Variants in KCNQ5 observed in about 807,000 individuals in gnomAD.
The protein encoded by KCNQ5 is potassium voltage-gated channel subfamily Q member 5.
A neutral mutation model predicts 98.2 loss-of-function variants in KCNQ5; 30 were observed. The ratio of observed to expected loss-of-function variants is 0.31; its 90% CI spans 0.23 to 0.41. The LOEUF (loss-of-function observed/expected upper bound fraction) is 0.41, where lower values mean the gene tolerates loss of function less well. KCNQ5 is among the 10% of genes least tolerant of loss of function. The pLI is 1.00. For missense variants in KCNQ5, 835 were observed against 1,182.5 expected (o/e 0.71, Z 4.31); for synonymous variants, 458 against 449.4 (o/e 1.02, Z -0.24).
At chr6:72,666,921 C>T (rs1160370406) in intron 1 of KCNQ5, among the ~76,000 whole-genome samples, 1 of 152,060 alleles carries the variant, frequency 6.6e-6, no homozygotes, top group Non-Finnish European at 1.5e-5. Flanking sequence ...TTACATGTTC[C>T]ATTGTTTATA....
chr6:72,778,566 A>G (rs1773287831), intron 1 of KCNQ5, among the ~76,000 whole-genome samples: 1 of 150,440 alleles, frequency 6.6e-6, no homozygotes, highest in South Asian at 2.1e-4. Context: ...TATACTGTAT[A>G]CTTGAAAACT....
chr6:72,828,153 C>T (rs759010095), intron 1 of KCNQ5, among the ~76,000 whole-genome samples: 2 of 152,182 alleles, frequency 1.3e-5, no homozygotes, highest in East Asian at 1.9e-4. Context: ...ATATTGAGGA[C>T]TGGTAGTGTG....
chr6:73,072,753 C>A (rs953664831), intron 3 of KCNQ5, among the ~76,000 whole-genome samples: 5 of 152,136 alleles, frequency 3.3e-5, no homozygotes, highest in Non-Finnish European at 7.3e-5. Flanking sequence ...AATTAGTGAA[C>A]CTACTTCCTA....
chr6:72,883,267 T>C (rs1778713519), intron 1 of KCNQ5, among the ~76,000 whole-genome samples: 1 of 152,216 alleles, frequency 6.6e-6, no homozygotes, highest in Non-Finnish European at 1.5e-5. Context: ...CATTACTTTG[T>C]AGAGTAGTAG....
At chr6:72,988,405 C>CA (rs749268006) in intron 1 of KCNQ5, among the ~76,000 whole-genome samples, 3 of 151,846 alleles carry the variant, frequency 2.0e-5, no homozygotes, top group Non-Finnish European at 4.4e-5. Context: ...AGTACAGGAA[C>CA]AAAAAAACAA....
At chr6:73,120,459 T>C (rs1775700852) in intron 7 of KCNQ5, 24 bp from the exon 8 acceptor site, 6 of 1,537,090 alleles carry the variant, frequency 3.9e-6, no homozygotes, top group South Asian at 1.2e-5. Flanking sequence ...TTCTTTTTCA[T>C]GTCCCCATCT....
chr6:72,732,614 G>A (rs1400323718), intron 1 of KCNQ5, among the ~76,000 whole-genome samples: 4 of 152,156 alleles, frequency 2.6e-5, no homozygotes, highest in Non-Finnish European at 5.9e-5. Flanking sequence ...AGGGTCTTTG[G>A]GACAAACTAC....
At chr6:73,182,110 C>A (rs895565161) in intron 11 of KCNQ5, among the ~76,000 whole-genome samples, 2 of 152,206 alleles carry the variant, frequency 1.3e-5, no homozygotes, top group African/African-American at 4.8e-5. Context: ...TTCTTGGCTT[C>A]AGGGCATTTT....
chr6:72,770,409 A>T (rs1582257200), intron 1 of KCNQ5, among the ~76,000 whole-genome samples: 2 of 152,266 alleles, frequency 1.3e-5, no homozygotes, highest in East Asian at 3.9e-4. Flanking sequence ...AAGTAAATTT[A>T]TTTCAGGGGT....
At chr6:72,915,097 T>C (rs1043314919) in intron 1 of KCNQ5, among the ~76,000 whole-genome samples, 11 of 152,224 alleles carry the variant, frequency 7.2e-5, no homozygotes, top group Non-Finnish European at 1.6e-4. Flanking sequence ...ATTGAAGTTA[T>C]TTAGTCAAGA....
chr6:72,724,953 A>AG (rs1770184902), intron 1 of KCNQ5, among the ~76,000 whole-genome samples: 1 of 152,214 alleles, frequency 6.6e-6, no homozygotes, highest in Admixed American at 6.5e-5. Context: ...TGCATAGAGA[A>AG]GGGAAACCAT....
At chr6:73,169,716 T>C (rs1400440613) in intron 10 of KCNQ5, 30 bp from the exon 11 acceptor site, 2 of 1,440,580 alleles carry the variant, frequency 1.4e-6, no homozygotes, top group Non-Finnish European at 2.0e-6. Context: ...CGGATGGTGG[T>C]GTTATTTAAC....
At chr6:72,666,211 A>G (rs1213128364) in intron 1 of KCNQ5, among the ~76,000 whole-genome samples, 1 of 108,278 alleles carries the variant, frequency 9.2e-6, no homozygotes, top group Admixed American at 8.3e-5. Context: ...TCAGAGGTAA[A>G]TAATGATAAA....
intron 1 of KCNQ5, among the ~76,000 whole-genome samples, chr6:72,785,261 G>C (rs559456412): frequency 6.6e-6 from 1 of 152,082 alleles, no homozygotes; most frequent in Non-Finnish European, 1.5e-5. Context: ...ATGCTCCTTT[G>C]GTCTGGGGCA....
chr6:72,912,274 A>T, intron 1 of KCNQ5, among the ~76,000 whole-genome samples: 1 of 152,150 alleles, frequency 6.6e-6, no homozygotes, highest in East Asian at 1.9e-4. Flanking sequence ...TCAAAAAAAA[A>T]CTTAATGGGC....
At chr6:72,713,435 C>T (rs1365135677) in intron 1 of KCNQ5, among the ~76,000 whole-genome samples, 1 of 152,170 alleles carries the variant, frequency 6.6e-6, no homozygotes, top group Non-Finnish European at 1.5e-5. Context: ...CAACCAATCA[C>T]CAAATTCTAT....
At chr6:72,982,690 T>C (rs1420082956) in intron 1 of KCNQ5, among the ~76,000 whole-genome samples, 2 of 152,168 alleles carry the variant, frequency 1.3e-5, no homozygotes, top group Non-Finnish European at 2.9e-5. Context: ...GTTAATATTG[T>C]TATGTGTGAA....
intron 5 of KCNQ5, among the ~76,000 whole-genome samples, chr6:73,092,079 AT>A (rs143770712): frequency 0.094 from 12,997 of 138,886 alleles, 691 homozygotes; most frequent in African/African-American, 0.16. Flanking sequence ...AGTTTTGTGG[AT>A]TTTTTTTTTG....
intron 1 of KCNQ5, among the ~76,000 whole-genome samples, chr6:72,879,149 G>T (rs1778535732): frequency 1.3e-5 from 2 of 151,924 alleles, no homozygotes; most frequent in Non-Finnish European, 2.9e-5. Flanking sequence ...ATAATTTTTA[G>T]GTTATAGGTT....
Sources: allele counts gnomAD v4.1 joint callset (sites outside exome capture counted in the v4.1 genomes callset), GRCh38; gene constraint gnomAD v4.1.1; transcripts MANE v1.5; gene names NCBI Gene and HGNC (gene_info 2026-07-23, HGNC 2026-07-21).